ARSG: variants seen among roughly 807,000 people sequenced by gnomAD.
ARSG encodes ASG.
In ARSG, 37 loss-of-function variants were observed where a neutral mutation model predicts 50.5. The observed-to-expected ratio is 0.73, with a 90% CI of 0.56 to 0.96. ARSG has a LOEUF of 0.96. ARSG is among the 50% of genes least tolerant of loss of function. The probability of loss-of-function intolerance (pLI) is 0.00; values close to 1 mark genes in which losing one functional copy is unlikely to be tolerated. For missense variants in ARSG, 629 were observed against 675.3 expected (o/e 0.93, Z 0.76); for synonymous variants, 225 against 254.6 (o/e 0.88, Z 1.11).
At position 68,307,388 on chromosome 17, in the gene ARSG, C is replaced by G; in HGVS notation, c.-106C>G. On this transcript the variant is annotated 5_prime_UTR_variant, in exon 2 of 12. Coordinates refer to ENST00000621439, the MANE Select transcript of ARSG (RefSeq NM_001267727.2). ...TCTTCTTGCAGATTCCACCCCTGCT[C>G]CCCAGAGACTTCCTGCTTTGAAAGT... 1 of 874,998 alleles carries G rather than the reference C, an allele frequency of 1.1e-6. No individual in the cohort carries two copies. The highest frequency in any genetic ancestry group is 1.6e-5 in the South Asian group (1 of 62,044). 54.2% of individuals were successfully genotyped at this position (874,998 alleles called of 1,614,324 possible).
chr17:68,290,677 T>C (rs1181927440), upstream of ARSG, among the ~76,000 whole-genome samples: 2 of 152,228 alleles, frequency 1.3e-5, no homozygotes, highest in Non-Finnish European at 2.9e-5. Flanking sequence ...GGAAGGTACC[T>C]CTGACATTTC....
intron 2 of ARSG, among the ~76,000 whole-genome samples, chr17:68,308,685 C>T (rs1417183147): frequency 1.3e-5 from 2 of 152,206 alleles, no homozygotes; most frequent in Non-Finnish European, 2.9e-5. Flanking sequence ...CCACCCACAT[C>T]CTGCTGATTG....
At chr17:68,285,298 T>C (rs544713209) in intron 1 of ARSG, among the ~76,000 whole-genome samples, 2 of 152,074 alleles carry the variant, frequency 1.3e-5, no homozygotes, top group Non-Finnish European at 2.9e-5. Flanking sequence ...AAACAAAACA[T>C]ATAGTGATAA....
chr17:68,277,300 T>A (rs1308507115), intron 1 of ARSG, among the ~76,000 whole-genome samples: 2 of 151,974 alleles, frequency 1.3e-5, no homozygotes, highest in Non-Finnish European at 2.9e-5. Flanking sequence ...CCAGTTAATT[T>A]TTTGTATTTT....
At position 68,420,790 on chromosome 17, in the gene ARSG, A is replaced by G. The variant is rs1004914728; in HGVS notation, c.*327A>G. On this transcript the variant is annotated 3_prime_UTR_variant, in exon 12 of 12. Coordinates refer to ENST00000621439, the MANE Select transcript of ARSG (RefSeq NM_001267727.2). ...TTGATTTTGAGGGTTAAATAAAGGC[A>G]TACATGAAAATGCCTGGCAAATTAC... 4 of 313,390 alleles carry G rather than the reference A, an allele frequency of 1.3e-5. No homozygotes were observed. The East Asian group carries it at 2.6e-4, about 20-fold the overall frequency. The allele number at this position is 313,390 out of a possible 1,614,324, so 19.4% of individuals were successfully genotyped here. A position where few individuals can be genotyped will look rare whatever the true frequency, so the allele number is the denominator to read the frequency against.
intron 5 of ARSG, among the ~76,000 whole-genome samples, chr17:68,353,198 C>T (rs1448303529): frequency 2.0e-5 from 3 of 151,088 alleles, no homozygotes; most frequent in Admixed American, 1.3e-4. Context: ...ACCACAATTA[C>T]TTTTGCACCA....
the ARSG span, chr17:68,444,384 C>G: frequency 2.0e-6 from 2 of 1,000,046 alleles, no homozygotes; most frequent in East Asian, 4.9e-5. Context: ...CACTAAGACT[C>G]AAAAAGCAAA....
intron 6 of ARSG, 98 bp downstream of exon 6, chr17:68,356,902 C>A: frequency 1.4e-6 from 2 of 1,449,552 alleles, no homozygotes; most frequent in East Asian, 2.3e-5. Context: ...GAGGCCATGG[C>A]AGAGTTTTGC....
intron 2 of ARSG, among the ~76,000 whole-genome samples, chr17:68,310,694 C>T (rs139720382): frequency 1.3e-5 from 2 of 152,256 alleles, no homozygotes; most frequent in East Asian, 3.9e-4. Flanking sequence ...AGGGCATCTC[C>T]ACAGAGTTTT....
At chr17:68,354,347 A>G (rs2078937841) in intron 5 of ARSG, among the ~76,000 whole-genome samples, 1 of 150,106 alleles carries the variant, frequency 6.7e-6, no homozygotes. Context: ...CTTGAGGAGG[A>G]GGTTGCAGTG....
rs368025684 is a variant in ARSG, at chr17:68,280,711, T to C, written c.-552+21285T>C. On this transcript the variant is annotated intron_variant, in intron 1 of 11. Coordinates refer to the ARSG transcript ENST00000448504. ...AGAAGAAAACATAGGGGAAACACTT[T>C]AGGACATTTGTCTGAGGAAAGATTT... Among the ~76,000 whole-genome samples, 55 of 152,312 alleles carry C rather than the reference T, an allele frequency of 3.6e-4. 1 individual carries two copies. The South Asian group carries it at 0.011, about 30-fold the overall frequency.
intron 4 of ARSG, among the ~76,000 whole-genome samples, chr17:68,350,712 G>A (rs1051745290): frequency 3.9e-5 from 6 of 152,222 alleles, no homozygotes; most frequent in Non-Finnish European, 5.9e-5. Context: ...ATGAACCTGG[G>A]AGGCGGAGCT....
At chr17:68,441,940 T>G in the ARSG span, among the ~76,000 whole-genome samples, 1 of 152,208 alleles carries the variant, frequency 6.6e-6, no homozygotes, top group African/African-American at 2.4e-5. Flanking sequence ...CTGGATCCTT[T>G]CATAAGGAGG....
At chr17:68,421,357 A>T (rs552302877), downstream of ARSG, 51 of 166,818 alleles carry the variant, frequency 3.1e-4, 2 homozygotes, top group South Asian at 8.4e-3. Flanking sequence ...GCCACAGCCA[A>T]AAAAGACTTT....
chr17:68,287,580 T>A (rs1489178788), upstream of ARSG, among the ~76,000 whole-genome samples: 2 of 152,192 alleles, frequency 1.3e-5, no homozygotes, highest in Admixed American at 6.6e-5. Context: ...GAGCCACATA[T>A]AACTTTCACC....
chr17:68,423,011 A>G (rs2147678277), downstream of ARSG, among the ~76,000 whole-genome samples: 1 of 152,286 alleles, frequency 6.6e-6, no homozygotes, highest in South Asian at 2.1e-4. The surrounding 1 kb of genome is among the most constrained non-coding windows in gnomAD (Gnocchi z 4.4). Context: ...TGTGTTCTGA[A>G]AAGATCACTA....
chr17:68,260,093 G>A (rs1365956790), intron 1 of ARSG, among the ~76,000 whole-genome samples: 2 of 152,128 alleles, frequency 1.3e-5, no homozygotes, highest in African/African-American at 2.4e-5. Flanking sequence ...ATTTTCAAGG[G>A]CCTGGTATTG....
the ARSG span, among the ~76,000 whole-genome samples, chr17:68,434,311 G>A: frequency 2.9e-4 from 44 of 152,160 alleles, no homozygotes; most frequent in African/African-American, 1.1e-3. Flanking sequence ...CTCCTGTGCC[G>A]GCCGCCCACA....
chr17:68,424,392 T>C (rs537208891), downstream of ARSG: 1 of 530,082 alleles, frequency 1.9e-6, no homozygotes, highest in East Asian at 5.5e-5. Context: ...ATGTGCTCAC[T>C]AGAGGGTTCC....
Sources: allele counts gnomAD v4.1 joint callset (sites outside exome capture counted in the v4.1 genomes callset), GRCh38; gene constraint gnomAD v4.1.1; non-coding constraint Gnocchi (gnomAD v3.1); transcripts MANE v1.5; gene names NCBI Gene and HGNC (gene_info 2026-07-23, HGNC 2026-07-21).